Variants in LRIT1 observed in about 807,000 individuals in gnomAD.
LRIT1 encodes the protein leucine-rich repeat, immunoglobulin-like domain and transmembrane domain-containing protein 1.
A neutral mutation model predicts 24.0 loss-of-function variants in LRIT1; 23 were observed. That is an observed-to-expected ratio of 0.96 (90% CI 0.69 to 1.36). LRIT1 has a LOEUF of 1.36. Among genes scored for constraint, LRIT1 ranks in the 40% most tolerant of loss-of-function variants. The pLI, the probability that LRIT1 is intolerant of heterozygous loss-of-function variation, is 0.00. For missense variants in LRIT1, 846 were observed against 806.3 expected, an observed-to-expected ratio of 1.05 and a Z score of -0.60; for synonymous variants, 361 against 340.5, an observed-to-expected ratio of 1.06 and a Z score of -0.66.
At chr10:84,237,925 A>G (rs1842665707) in intron 1 of LRIT1, among the ~76,000 whole-genome samples, 1 of 152,120 alleles carries the variant, frequency 6.6e-6, no homozygotes, top group African/African-American at 2.4e-5. Context: ...TTTGGTCTTC[A>G]CGGTCCGGCA....
rs759829313 is a variant in LRIT1, at chr10:84,241,346, G to A, written c.94C>T (p.His32Tyr). Reference protein sequence around the residue: ...FCPSQCSCSLHIMGDGSKART... With the variant: ...FCPSQCSCSLYIMGDGSKART... ...GCCTTGCTGCCATCACCCATGATATGGAGGCTGCAGCTGCATTGAGAGGGG... is the reference window on the plus strand; with the variant it reads ...GCCTTGCTGCCATCACCCATGATATAGAGGCTGCAGCTGCATTGAGAGGGG... Residue 32 changes from histidine (H) to tyrosine (Y), a missense_variant, in exon 1 of 4, where the codon CAT becomes TAT. His to Tyr is a moderately conservative substitution (Grantham distance 83). Coordinates refer to ENST00000372105, the MANE Select transcript of LRIT1 (RefSeq NM_015613.3). 6.2e-7 allele frequency: 1 copy of A among 1,613,806 alleles called. No homozygotes were observed. The highest frequency in any genetic ancestry group is 8.5e-7 in the Non-Finnish European group (1 of 1,179,922).
intron 1 of LRIT1, among the ~76,000 whole-genome samples, chr10:84,238,229 C>T (rs1842668333): frequency 6.6e-6 from 1 of 151,912 alleles, no homozygotes; most frequent in South Asian, 2.1e-4. Flanking sequence ...GTGGTGCACC[C>T]CTGTAGTCCC....
Position 84,237,632 on chromosome 10 carries a change from C to G in LRIT1, c.177G>C (p.Pro59=). The part of the protein sequence containing the change: ...DMTLPPASIP[P]DTSRLRLERT... ...GCTCCAGGCGCAGTCTGGAGGTGTC[C>G]GGGGGGATGGACGCCGGGGGCAGGG... Residue 59 remains proline (P), a synonymous_variant, in exon 2 of 4, where the codon CCG becomes CCC. Transcript: ENST00000372105. 1.2e-6 allele frequency: 2 copies of G among 1,606,002 alleles called. No homozygotes were observed. Among genetic ancestry groups the G allele is most frequent in the Non-Finnish European group, 1.7e-6 (2 of 1,178,996 alleles).
At position 84,231,779 on chromosome 10, in the gene LRIT1, C is replaced by T. The variant is rs747502200; in HGVS notation, c.*148G>A. On this transcript the variant is annotated 3_prime_UTR_variant, in exon 4 of 4. Coordinates refer to ENST00000372105, the MANE Select transcript of LRIT1 (RefSeq NM_015613.3). ...GCTTAACAAGTGTTAGCGGTTGTTG[C>T]AGTAGCAGCTGCTGCTGCTGTTGTT... is the stretch of plus-strand genomic sequence containing the variant. 8.3e-5 allele frequency: 66 copies of T among 794,018 alleles called. No individual in the cohort carries two copies. Among genetic ancestry groups the T allele is most frequent in the Non-Finnish European group, 1.0e-4 (52 of 512,248 alleles). 49.2% of individuals were successfully genotyped at this position (794,018 alleles called of 1,614,324 possible).
At chr10:84,236,412 T>G (rs918138569) in intron 2 of LRIT1, among the ~76,000 whole-genome samples, 1 of 152,192 alleles carries the variant, frequency 6.6e-6, no homozygotes, top group South Asian at 2.1e-4. Context: ...TAAACTATAG[T>G]ATAAATATGT....
intron 2 of LRIT1, 41 bp from the exon 3 acceptor site, chr10:84,234,419 C>G (rs772707257): frequency 2.1e-6 from 3 of 1,449,608 alleles, no homozygotes; most frequent in Non-Finnish European, 2.8e-6. Flanking sequence ...CAGATAGATA[C>G]TCAACGTCCT....
In LRIT1 at chr10:84,237,761, C is replaced by A. The variant is rs951101707; in HGVS notation, c.123-75G>T. On this transcript the variant is annotated intron_variant, in intron 1 of 3. Coordinates refer to ENST00000372105, the MANE Select transcript of LRIT1 (RefSeq NM_015613.3). ...GATCTCCCACCGCTACCTCCCTTCG[C>A]GAGGCCTCCAGTTCTGCCTGTTATC... 11 of 1,180,290 alleles carry A rather than the reference C, an allele frequency of 9.3e-6. No individual in the cohort carries two copies. The African/African-American group carries it at 1.5e-4, about 16-fold the overall frequency. 73.1% of individuals were successfully genotyped at this position (1,180,290 alleles called of 1,614,324 possible).
At position 84,241,388 on chromosome 10, in the gene LRIT1, G is replaced by C; in HGVS notation, c.52C>G (p.Gln18Glu). The C allele has an allele frequency of 1.2e-6, 2 of 1,610,350 alleles. No homozygotes were observed. Among genetic ancestry groups the C allele is most frequent in the Non-Finnish European group, 1.7e-6 (2 of 1,178,400 alleles). Residue 18 changes from glutamine (Q) to glutamate (E), a missense_variant, in exon 1 of 4, where the codon CAG becomes GAG. Coordinates refer to ENST00000372105, the MANE Select transcript of LRIT1 (RefSeq NM_015613.3). ...TGAGAGGGGCAGAAGCCCCGGGCCT[G>C]GGGGGGCCACGCAAGGGCCAAGAGC... Reference protein sequence around the residue: ...LWLLALAWPPQARGFCPSQCS... With the variant: ...LWLLALAWPPEARGFCPSQCS...
rs763953650 is a variant in LRIT1, at chr10:84,232,528, C to A, written c.1271G>T (p.Gly424Val). Reference protein sequence around the residue: ...ALGELSDGRAGPSEARMVRSV... With the variant: ...ALGELSDGRAVPSEARMVRSV... ...CCTCACCATTCGTGCCTCTGAGGGT[C>A]CTGCCCGCCCATCAGAGAGCTCTCC... The change falls in exon 4 of 4, where the codon GGA (glycine) becomes GTA (valine). Residue 424 changes from glycine (G) to valine (V), a missense_variant. Coordinates refer to ENST00000372105, the MANE Select transcript of LRIT1 (RefSeq NM_015613.3). 2.5e-6 allele frequency: 4 copies of A among 1,614,176 alleles called. No homozygotes were observed. Among genetic ancestry groups the A allele is most frequent in the Admixed American group, 3.3e-5 (2 of 60,030 alleles).
chr10:84,240,886 T>C (rs1330619326), intron 1 of LRIT1, among the ~76,000 whole-genome samples: 1 of 151,772 alleles, frequency 6.6e-6, no homozygotes, highest in Non-Finnish European at 1.5e-5. Flanking sequence ...TATGATTGAA[T>C]ATTGTAGAGA....
At chr10:84,235,850 A>T (rs112779917) in intron 2 of LRIT1, among the ~76,000 whole-genome samples, 3,735 of 151,854 alleles carry the variant, frequency 0.025, 140 homozygotes, top group African/African-American at 0.08. Context: ...ACTGCAAGTG[A>T]TCCACCCGTC....
At chr10:84,235,862 C>T (rs929443048) in intron 2 of LRIT1, among the ~76,000 whole-genome samples, 1 of 151,898 alleles carries the variant, frequency 6.6e-6, no homozygotes, top group Admixed American at 6.6e-5. Context: ...CCACCCGTCT[C>T]GGCCTCCCAA....
At chr10:84,239,839 T>A (rs1399717038) in intron 1 of LRIT1, among the ~76,000 whole-genome samples, 2 of 152,210 alleles carry the variant, frequency 1.3e-5, no homozygotes, top group Non-Finnish European at 1.5e-5. Flanking sequence ...TTGGTCTAAC[T>A]GCACAGTCTG....
chr10:84,234,152 C>T lies in LRIT1; in HGVS notation c.816G>A (p.Leu272=). The change falls in exon 3 of 4, where the codon CTG becomes CTA. Residue 272 remains leucine (L), a synonymous_variant. Transcript: ENST00000372105. The part of the protein sequence containing the change: ...SIRSLLGGTA[L]LRCGATGVPG... ...GGACTCCAGTAGCTCCACAGCGTAGCAGTGCTGTGCCACCCAAAAGGGACC... is the reference window on the plus strand; with the variant it reads ...GGACTCCAGTAGCTCCACAGCGTAGTAGTGCTGTGCCACCCAAAAGGGACC... The T allele has an allele frequency of 1.9e-6, 3 of 1,613,324 alleles. No homozygotes were observed. In the East Asian group the frequency reaches 6.7e-5, roughly 36 times the overall value.
At position 84,231,917 on chromosome 10, in the gene LRIT1, G is replaced by A. The variant is rs554457846; in HGVS notation, c.*10C>T. On this transcript the variant is annotated 3_prime_UTR_variant, in exon 4 of 4. Coordinates refer to ENST00000372105, the MANE Select transcript of LRIT1 (RefSeq NM_015613.3). Reference sequence around the variant, plus strand: ...GGCAGGCAGGTGTGTGAGTTGCGGAGGCATATCCCTCAGCAGAAGTACTCA... The same window carrying A: ...GGCAGGCAGGTGTGTGAGTTGCGGAAGCATATCCCTCAGCAGAAGTACTCA... The A allele has an allele frequency of 1.0e-5, 16 of 1,592,086 alleles. No individual in the cohort carries two copies. The African/African-American group carries it at 1.3e-4, about 13-fold the overall frequency.
Position 84,231,891 on chromosome 10 carries a change from G to T in LRIT1, c.*36C>A. ...GGTGTCAGAGCTAAAGAAGGAGCGT[G>T]GGCAGGCAGGTGTGTGAGTTGCGGA... On this transcript the variant is annotated 3_prime_UTR_variant, in exon 4 of 4. Coordinates refer to ENST00000372105, the MANE Select transcript of LRIT1 (RefSeq NM_015613.3). The T allele has an allele frequency of 6.4e-7, 1 of 1,568,476 alleles. No individual in the cohort carries two copies. Among genetic ancestry groups the T allele is most frequent in the Non-Finnish European group, 8.6e-7 (1 of 1,157,572 alleles).
Position 84,231,551 on chromosome 10 carries a change from C to A in LRIT1, c.*376G>T. The A allele has an allele frequency of 4.2e-6, 1 of 235,894 alleles. No homozygotes were observed. Among genetic ancestry groups the A allele is most frequent in the South Asian group, 7.1e-5 (1 of 14,092 alleles). 14.6% of individuals were successfully genotyped at this position (235,894 alleles called of 1,614,324 possible). A position where few individuals can be genotyped will look rare whatever the true frequency, so the allele number is the denominator to read the frequency against. On this transcript the variant is annotated 3_prime_UTR_variant, in exon 4 of 4. Transcript: ENST00000372105. ...CAGAGCAGAGCCACCCTAATCAACC[C>A]ACAGGCCTGTGAGTGTGAAAATAAG...
chr10:84,238,965 AG>A (rs960721139), intron 1 of LRIT1, among the ~76,000 whole-genome samples: 4 of 152,204 alleles, frequency 2.6e-5, no homozygotes, highest in African/African-American at 7.2e-5. Flanking sequence ...GGCCCTTCTA[AG>A]GGAGGTTGTT....
At chr10:84,233,533 T>C (rs1303313894) in intron 3 of LRIT1, among the ~76,000 whole-genome samples, 1 of 152,102 alleles carries the variant, frequency 6.6e-6, no homozygotes, top group Non-Finnish European at 1.5e-5. Context: ...CCCCAGCTCC[T>C]CCATGTATGA....
Sources: allele counts gnomAD v4.1 joint callset (sites outside exome capture counted in the v4.1 genomes callset), GRCh38; gene constraint gnomAD v4.1.1; transcripts MANE v1.5; gene names NCBI Gene and HGNC (gene_info 2026-07-23, HGNC 2026-07-21).